The following KLHL7 variants were observed in gnomAD, a reference collection of about 807,000 sequenced individuals.
KLHL7 encodes the protein kelch-like protein 7.
Under a neutral mutation model 67.4 loss-of-function variants are expected in KLHL7, and 44 were observed. That is an observed-to-expected ratio of 0.65 (90% CI 0.51 to 0.84). The LOEUF (loss-of-function observed/expected upper bound fraction) is 0.84. Among genes scored for constraint, KLHL7 ranks in the 40% least tolerant of loss-of-function variants. KLHL7 has a pLI of 0.00. For synonymous variants in KLHL7, 252 were observed against 243.3 expected, an observed-to-expected ratio of 1.04 and a Z score of -0.33; for missense variants, 362 against 718.1, an observed-to-expected ratio of 0.50 and a Z score of 5.67.
At chr7:23,127,703 C>CA (rs1355899432) in intron 4 of KLHL7, among the ~76,000 whole-genome samples, 7 of 151,572 alleles carry the variant, frequency 4.6e-5, no homozygotes, top group Admixed American at 2.0e-4. Context: ...CCCTCTCTAC[C>CA]AAAAAAATAC....
chr7:23,142,472 T>G (rs1583689915), intron 5 of KLHL7, among the ~76,000 whole-genome samples: 2 of 152,080 alleles, frequency 1.3e-5, no homozygotes, highest in East Asian at 3.9e-4. Flanking sequence ...TAGAAAAAAT[T>G]TACTTCCATG....
At chr7:23,172,640 A>G (rs1423988674) in intron 9 of KLHL7, 1 of 255,328 alleles carries the variant, frequency 3.9e-6, no homozygotes, top group East Asian at 8.8e-5. Context: ...TTTTGTTCCC[A>G]TATTACAAGT....
intron 1 of KLHL7, chr7:23,106,551 G>A (rs931464865): frequency 7.5e-6 from 8 of 1,063,100 alleles, no homozygotes; most frequent in Non-Finnish European, 9.1e-6. Flanking sequence ...CCCCCAAAGG[G>A]AGGAGAGTTG....
chr7:23,163,241 G>A (rs1270585136), intron 7 of KLHL7, among the ~76,000 whole-genome samples: 2 of 151,848 alleles, frequency 1.3e-5, no homozygotes, highest in African/African-American at 4.8e-5. Context: ...CGTGATCTCG[G>A]CTCACTGCAA....
At chr7:23,170,709 T>C (rs562276691) in intron 9 of KLHL7, among the ~76,000 whole-genome samples, 1 of 152,284 alleles carries the variant, frequency 6.6e-6, no homozygotes, top group East Asian at 1.9e-4. Flanking sequence ...ACTTGATCAT[T>C]ACACATTGTA....
At chr7:23,136,172 C>T (rs1396956238) in intron 4 of KLHL7, among the ~76,000 whole-genome samples, 1 of 152,138 alleles carries the variant, frequency 6.6e-6, no homozygotes, top group African/African-American at 2.4e-5. Context: ...TTTTTATCTG[C>T]AGCACAAAAT....
intron 1 of KLHL7, chr7:23,117,683 C>A: frequency 1.3e-6 from 1 of 753,584 alleles, no homozygotes; most frequent in Non-Finnish European, 2.1e-6. Context: ...TTTTTCTCTG[C>A]TTTTCTGACA....
intron 9 of KLHL7, among the ~76,000 whole-genome samples, chr7:23,170,620 G>A (rs1785129729): frequency 6.6e-6 from 1 of 152,174 alleles, no homozygotes; most frequent in Admixed American, 6.5e-5. Flanking sequence ...AACATGGGAG[G>A]CCTGGGTTCC....
intron 6 of KLHL7, among the ~76,000 whole-genome samples, chr7:23,151,493 G>A (rs1335194548): frequency 6.6e-6 from 1 of 151,434 alleles, no homozygotes; most frequent in Non-Finnish European, 1.5e-5. Context: ...ACCGTGGGGT[G>A]TTAAATATGC....
At chr7:23,129,229 G>C in intron 4 of KLHL7, 1 of 222,542 alleles carries the variant, frequency 4.5e-6, no homozygotes, top group Non-Finnish European at 8.9e-6. Flanking sequence ...CCCAGACCTG[G>C]GCTTAGGCAA....
intron 4 of KLHL7, among the ~76,000 whole-genome samples, chr7:23,137,709 C>A (rs1012421047): frequency 6.6e-6 from 1 of 150,584 alleles, no homozygotes; most frequent in Non-Finnish European, 1.5e-5. Context: ...GAACTCCTGA[C>A]CTCAAGTGAG....
In KLHL7 at chr7:23,123,878, A is replaced by G; in HGVS notation, c.222A>G (p.Thr74=). 1.3e-6 allele frequency: 2 copies of G among 1,586,844 alleles called. No homozygotes were observed. The highest frequency in any genetic ancestry group is 1.7e-6 in the Non-Finnish European group (2 of 1,156,050). ...AASHFFNLMF[T]TNMLESKSFE... is the part of the protein sequence containing the mutation. Reference sequence around the variant, plus strand: ...GTCATTTTTTTAACTTAATGTTCACAAGTAAGTATCTTAAGGTAAAACATG... The same window carrying G: ...GTCATTTTTTTAACTTAATGTTCACGAGTAAGTATCTTAAGGTAAAACATG... Residue 74 remains threonine (T), a splice_region_variant and synonymous_variant, in exon 2 of 11, where the codon ACA becomes ACG. Transcript: ENST00000339077.
chr7:23,132,745 C>T (rs1783846532), intron 4 of KLHL7, among the ~76,000 whole-genome samples: 1 of 152,038 alleles, frequency 6.6e-6, no homozygotes, highest in Non-Finnish European at 1.5e-5. Context: ...AGATTTCTCC[C>T]CAGTGTTTTC....
chr7:23,161,905 A>T (rs1784864058), intron 7 of KLHL7, among the ~76,000 whole-genome samples: 1 of 152,228 alleles, frequency 6.6e-6, no homozygotes. Flanking sequence ...AAACATATGG[A>T]GAAAAACTCA....
intron 8 of KLHL7, among the ~76,000 whole-genome samples, chr7:23,166,947 A>G (rs1487137509): frequency 2.6e-5 from 4 of 152,134 alleles, no homozygotes; most frequent in Admixed American, 2.0e-4. Flanking sequence ...AAAAAGTTAA[A>G]AATAAGTTAT....
At chr7:23,164,948 T>C (rs973139280) in intron 7 of KLHL7, among the ~76,000 whole-genome samples, 1 of 152,244 alleles carries the variant, frequency 6.6e-6, no homozygotes. Context: ...TCCAAGATAC[T>C]ATAACTTTAG....
Position 23,166,534 on chromosome 7 carries a change from CT to C in KLHL7, c.1177+600del, listed in dbSNP as rs569556734. Reference sequence around the variant, plus strand: ...TAGGTGCAGGCTAGATACATAATAGCTTTTGTATGCTTTCATTTTCAAGTAA... The same window carrying C: ...TAGGTGCAGGCTAGATACATAATAGCTTTGTATGCTTTCATTTTCAAGTAA... On this transcript the variant is annotated intron_variant, in intron 8 of 10. Transcript: ENST00000339077. Among the ~76,000 whole-genome samples the C allele has an allele frequency of 2.7e-4, 41 of 152,154 alleles. 1 individual carries two copies. In the South Asian group the frequency reaches 6.8e-3, roughly 25 times the overall value.
At position 23,144,045 on chromosome 7, in the gene KLHL7, AT is replaced by A; in HGVS notation, c.793+23del. 1 of 1,601,298 alleles carries A rather than the reference AT, an allele frequency of 6.2e-7. No individual in the cohort carries two copies. The highest frequency in any genetic ancestry group is 8.5e-7 in the Non-Finnish European group (1 of 1,170,950). On this transcript the variant is annotated intron_variant, in intron 6 of 10. Coordinates refer to ENST00000339077, the MANE Select transcript of KLHL7 (RefSeq NM_001031710.3). ...TGATAAGTAAGTTGCCTTAATAACC[AT>A]TTATAACCTGATCATGTAGCCAGTT... is the stretch of plus-strand genomic sequence containing the variant.
intron 5 of KLHL7, among the ~76,000 whole-genome samples, chr7:23,141,740 A>G (rs542356398): frequency 2.0e-5 from 3 of 151,958 alleles, no homozygotes; most frequent in African/African-American, 4.8e-5. Flanking sequence ...CTCCTGCCTC[A>G]GCCTCCCTAG....
Sources: gnomAD v4.1 joint callset for allele counts (sites outside exome capture counted in the v4.1 genomes callset) on GRCh38, gnomAD v4.1.1 for gene constraint, MANE v1.5 for transcripts, NCBI Gene and HGNC (gene_info 2026-07-23, HGNC 2026-07-21) for gene names.